SENP6: variants seen among roughly 807,000 people sequenced by gnomAD.
SENP6 encodes the protein sentrin-specific protease 6.
A neutral mutation model predicts 134.5 loss-of-function variants in SENP6; 41 were observed. The ratio of observed to expected loss-of-function variants is 0.30; its 90% CI spans 0.24 to 0.40. The LOEUF (loss-of-function observed/expected upper bound fraction) is 0.40, where lower values mean the gene tolerates loss of function less well. Ranked by LOEUF, SENP6 falls within the 10% of genes least tolerant of loss-of-function variation. The pLI, the probability that SENP6 is intolerant of heterozygous loss-of-function variation, is 1.00. For missense variants in SENP6, 1,248 were observed against 1,312.5 expected, an observed-to-expected ratio of 0.95 and a Z score of 0.76; for synonymous variants, 395 against 429.8, an observed-to-expected ratio of 0.92 and a Z score of 1.00.
chr6:75,709,471 T>G lies in SENP6; in HGVS notation c.2717-56T>G, dbSNP rs75665266. 6.3e-4 allele frequency: 759 copies of G among 1,197,010 alleles called. 3 individuals carry two copies. In the East Asian group the frequency reaches 0.015, roughly 24 times the overall value. The allele number at this position is 1,197,010 out of a possible 1,614,324, so 74.1% of individuals were successfully genotyped here. A position where few individuals can be genotyped will look rare whatever the true frequency, so the allele number is the denominator to read the frequency against. On this transcript the variant is annotated intron_variant, in intron 19 of 23. Coordinates refer to ENST00000447266, the MANE Select transcript of SENP6 (RefSeq NM_015571.4). ...TACTAGCATTAATTTCAGCCTCATA[T>G]ACTATGAGTGATAGACATGGCCTTT...
intron 5 of SENP6, among the ~76,000 whole-genome samples, chr6:75,637,347 T>A (rs747380434): frequency 3.3e-5 from 5 of 152,210 alleles, no homozygotes; most frequent in Admixed American, 6.5e-5. Context: ...TTTACACCTT[T>A]TTATCTAAAC....
At chr6:75,675,208 G>A (rs1224269732) in intron 11 of SENP6, among the ~76,000 whole-genome samples, 3 of 151,878 alleles carry the variant, frequency 2.0e-5, no homozygotes, top group Non-Finnish European at 4.4e-5. Flanking sequence ...AAAAAAAGAG[G>A]AAAGAAAGAC....
intron 16 of SENP6, among the ~76,000 whole-genome samples, chr6:75,680,893 A>G (rs189646883): frequency 6.6e-6 from 1 of 152,324 alleles, no homozygotes; most frequent in Admixed American, 6.5e-5. Context: ...TGCTAGAGGA[A>G]GTCTGCTAAA....
In SENP6 at chr6:75,694,986, C is replaced by T. The variant is rs984344407; in HGVS notation, c.2076-818C>T. The stretch of plus-strand genomic sequence containing the variant: ...GCCTCATAGGTTCAAGTGATTCTCC[C>T]ACCTCAGCCTCCCAAGTAGCTGGGA... On this transcript the variant is annotated intron_variant, in intron 16 of 23. Transcript: ENST00000447266. Among the ~76,000 whole-genome samples, 10 of 151,908 alleles carry T rather than the reference C, an allele frequency of 6.6e-5. No individual in the cohort carries two copies. In the East Asian group the frequency reaches 1.2e-3, roughly 18 times the overall value.
rs762393122 is a variant in SENP6 at position 75,702,679 on chromosome 6, G to A, written c.2323G>A (p.Gly775Ser). Reference sequence around the variant, plus strand: ...GTTTTTGGCTGTTGTTTGTTTCCCCGGTTTGGAAAAACCAAAGTATGAACC... The same window carrying A: ...GTTTTTGGCTGTTGTTTGTTTCCCCAGTTTGGAAAAACCAAAGTATGAACC... The part of the protein sequence containing the change: ...HWFLAVVCFP[G>S]LEKPKYEPNP... Residue 775 changes from glycine (G) to serine (S), a missense_variant, in exon 19 of 24, where the codon GGT (glycine) becomes AGT (serine). Physicochemically the swap from Gly to Ser is moderately conservative, Grantham distance 56. This residue lies in a region of SENP6 where 129 missense variants were observed against 192.0 expected (regional missense o/e 0.67). Coordinates refer to ENST00000447266, the MANE Select transcript of SENP6 (RefSeq NM_015571.4). The A allele has an allele frequency of 8.3e-5, 132 of 1,598,982 alleles. No homozygotes were observed. Among genetic ancestry groups the A allele is most frequent in the African/African-American group, 2.7e-5 (2 of 74,240 alleles).
At chr6:75,621,660 G>A in intron 2 of SENP6, 35 bp downstream of exon 2, 1 of 1,249,764 alleles carries the variant, frequency 8.0e-7, no homozygotes. Context: ...TGTTTTATAA[G>A]AATAAAACTT....
chr6:75,690,582 CAA>C (rs1220848823), intron 16 of SENP6, among the ~76,000 whole-genome samples: 1 of 152,124 alleles, frequency 6.6e-6, no homozygotes, highest in Non-Finnish European at 1.5e-5. Context: ...TTTTGCAAAA[CAA>C]AGTTACTGGA....
In SENP6 at chr6:75,678,328, G is replaced by C. The variant is rs75669502; in HGVS notation, c.1849-255G>C. ...ATTATTTAATTTCATGTAGATAGTA[G>C]AGAGAGAAGTAAGATACTGGAAAAT... On this transcript the variant is annotated intron_variant, in intron 14 of 23. Transcript: ENST00000447266. 129 of 338,844 alleles carry C rather than the reference G, an allele frequency of 3.8e-4. 1 individual carries two copies. The East Asian group carries it at 8.0e-3, about 21-fold the overall frequency. The allele number at this position is 338,844 out of a possible 1,614,324, so 21.0% of individuals were successfully genotyped here.
chr6:75,618,904 G>T (rs539413446), intron 1 of SENP6, among the ~76,000 whole-genome samples: 41 of 151,348 alleles, frequency 2.7e-4, no homozygotes, highest in Non-Finnish European at 5.3e-4. Flanking sequence ...TGCTCATTAA[G>T]ACTTATTTCC....
chr6:75,714,325 A>G (rs1281744863), intron 23 of SENP6, among the ~76,000 whole-genome samples: 2 of 152,198 alleles, frequency 1.3e-5, no homozygotes, highest in Admixed American at 6.5e-5. Flanking sequence ...TCAGAGGTAC[A>G]GTACCACACA....
At chr6:75,713,276 G>A (rs1056219014) in intron 21 of SENP6, among the ~76,000 whole-genome samples, 1 of 151,986 alleles carries the variant, frequency 6.6e-6, no homozygotes, top group African/African-American at 2.4e-5. Flanking sequence ...CTAAGATATG[G>A]TTAAGTTAAT....
intron 11 of SENP6, among the ~76,000 whole-genome samples, chr6:75,675,202 AAAG>A (rs959521061): frequency 6.6e-6 from 1 of 152,160 alleles, no homozygotes; most frequent in African/African-American, 2.4e-5. Context: ...AAGAAAAAAA[AAAG>A]AGGAAAGAAA....
intron 11 of SENP6, among the ~76,000 whole-genome samples, chr6:75,673,424 G>A (rs578051319): frequency 1.4e-5 from 2 of 147,552 alleles, no homozygotes; most frequent in Admixed American, 7.0e-5. Flanking sequence ...CACGGGTTCC[G>A]GCAATTCTCC....
intron 23 of SENP6, among the ~76,000 whole-genome samples, chr6:75,714,144 C>T (rs960642535): frequency 6.6e-6 from 1 of 152,176 alleles, no homozygotes; most frequent in African/African-American, 2.4e-5. Context: ...TTCTCCTCTT[C>T]ATAGATACAT....
At position 75,666,038 on chromosome 6, in the gene SENP6, A is replaced by T. The variant is rs890650499; in HGVS notation, c.995-674A>T. Among the ~76,000 whole-genome samples the T allele has an allele frequency of 5.5e-5, 8 of 146,410 alleles. No homozygotes were observed. The South Asian group carries it at 6.3e-4, about 12-fold the overall frequency. On this transcript the variant is annotated intron_variant, in intron 9 of 23. Transcript: ENST00000447266. ...AGATTCCATCTCAAAATATATATAT[A>T]TTTTATATATATATGATATATAAAA...
At chr6:75,631,328 C>G (rs1395789410) in intron 3 of SENP6, among the ~76,000 whole-genome samples, 1 of 152,126 alleles carries the variant, frequency 6.6e-6, no homozygotes, top group African/African-American at 2.4e-5. Flanking sequence ...TTAGTATTCT[C>G]AATGAACTAT....
intron 21 of SENP6, 49 bp downstream of exon 21, chr6:75,711,465 T>C: frequency 8.2e-7 from 1 of 1,225,832 alleles, no homozygotes; most frequent in East Asian, 2.5e-5. Context: ...TTAAGTATGC[T>C]CATAAAACAT....
In SENP6 at chr6:75,634,113, A is replaced by G. The variant is rs548554774; in HGVS notation, c.353+387A>G. On this transcript the variant is annotated intron_variant, in intron 4 of 23. Transcript: ENST00000447266. ...AAAATTTCTTATTCCTCCTTTTTAC[A>G]ATAGTGAACCACCATTATTGGTAGG... Among the ~76,000 whole-genome samples the G allele has an allele frequency of 2.6e-5, 4 of 152,264 alleles. No individual in the cohort carries two copies. The East Asian group carries it at 7.7e-4, about 29-fold the overall frequency.
intron 1 of SENP6, among the ~76,000 whole-genome samples, chr6:75,608,927 TTTTC>T (rs772681744): frequency 1.7e-4 from 26 of 152,234 alleles, no homozygotes; most frequent in Non-Finnish European, 2.8e-4. Context: ...TTTGCATTGT[TTTTC>T]TTTCACTGAC....
Sources: gnomAD v4.1 joint callset for allele counts (sites outside exome capture counted in the v4.1 genomes callset) on GRCh38, gnomAD v4.1.1 for gene constraint, gnomAD v4.1.1 regional missense constraint, MANE v1.5 for transcripts, NCBI Gene and HGNC (gene_info 2026-07-23, HGNC 2026-07-21) for gene names.